ZFHX3: variants seen among roughly 807,000 people sequenced by gnomAD.
ZFHX3 encodes zinc finger homeobox protein 3.
A neutral mutation model predicts 279.1 loss-of-function variants in ZFHX3; 42 were observed. The observed-to-expected ratio is 0.15, with a 90% confidence interval of 0.12 to 0.19. ZFHX3 has a LOEUF of 0.19. Ranked by LOEUF, ZFHX3 falls within the 10% of genes least tolerant of loss-of-function variation. ZFHX3 has a pLI of 1.00. For missense variants in ZFHX3, 4,981 were observed against 4,754.0 expected, an observed-to-expected ratio of 1.05 and a Z score of -1.40; for synonymous variants, 2,293 against 1,957.8, an observed-to-expected ratio of 1.17 and a Z score of -4.52.
At chr16:73,233,531 G>A (rs2012845120) in intron 5 of ZFHX3, among the ~76,000 whole-genome samples, 1 of 152,180 alleles carries the variant, frequency 6.6e-6, no homozygotes, top group Non-Finnish European at 1.5e-5. Context: ...GGAGGTTGAG[G>A]AAATTAAGTT....
rs1231574912 is a variant in ZFHX3 at position 72,805,492 on chromosome 16, A to G, written c.3865-5363T>C. Among the ~76,000 whole-genome samples, 3 of 152,212 alleles carry G rather than the reference A, an allele frequency of 2.0e-5. No individual in the cohort carries two copies. In the East Asian group the frequency reaches 5.8e-4, roughly 29 times the overall value. On this transcript the variant is annotated intron_variant, in intron 7 of 9. Coordinates refer to ENST00000268489, the MANE Select transcript of ZFHX3 (RefSeq NM_006885.4). Reference sequence around the variant, plus strand: ...AATAGAATGAAGAAATTCAGACAAAAAGAGGAGAGACCTCAGGCACAGACC... The same window carrying G: ...AATAGAATGAAGAAATTCAGACAAAGAGAGGAGAGACCTCAGGCACAGACC...
rs575480618 is a variant in ZFHX3, at chr16:72,795,650, G to C, written c.7032C>G (p.Ile2344Met). 1.2e-6 allele frequency: 2 copies of C among 1,613,978 alleles called. No individual in the cohort carries two copies. Among genetic ancestry groups the C allele is most frequent in the East Asian group, 2.2e-5 (1 of 44,860 alleles). The change falls in exon 9 of 10, where the codon ATC becomes ATG. Residue 2344 changes from isoleucine (I) to methionine (M), a missense_variant. Ile to Met is a conservative substitution (Grantham distance 10). Coordinates refer to ENST00000268489, the MANE Select transcript of ZFHX3 (RefSeq NM_006885.4). The part of the protein sequence containing the change: ...SLVFQRIFDL[I>M]KHQKKLCYKD... ...TGTAACACAGCTTCTTCTGGTGCTT[G>C]ATGAGATCAAAGATGCGCTGAAACA...
intron 7 of ZFHX3, chr16:73,127,502 G>A (rs2144814702): frequency 7.7e-7 from 1 of 1,305,478 alleles, no homozygotes; most frequent in South Asian, 1.2e-5. Context: ...CCTGGTGATG[G>A]ATGGGGGAAG....
intron 3 of ZFHX3, among the ~76,000 whole-genome samples, chr16:72,901,822 G>A (rs1005522085): frequency 3.3e-5 from 5 of 152,186 alleles, no homozygotes; most frequent in African/African-American, 4.8e-5. Flanking sequence ...TTCTGCAAAC[G>A]ATGACACTGC....
intron 3 of ZFHX3, chr16:73,401,146 T>C (rs1436878953): frequency 6.6e-6 from 1 of 152,062 alleles, no homozygotes; most frequent in East Asian, 1.9e-4. Context: ...TCGGTGGCCA[T>C]TCTGAGCTGG....
chr16:73,631,699 G>C (rs1232289318), intron 2 of ZFHX3, among the ~76,000 whole-genome samples: 1 of 152,140 alleles, frequency 6.6e-6, no homozygotes, highest in Non-Finnish European at 1.5e-5. Flanking sequence ...GAGGCCAGGA[G>C]TTTGAGACCA....
In ZFHX3 at chr16:73,625,962, A is replaced by T. The variant is rs969433307; in HGVS notation, c.-1547+54218T>A. ...AAGCTCCGCCTCCCGGGTTCATGCC[A>T]TTCTTCTGCCTCAGCCTCCCAAATA... On this transcript the variant is annotated intron_variant, in intron 2 of 17. Coordinates refer to the ZFHX3 transcript ENST00000641206. 2.0e-5 allele frequency among the ~76,000 whole-genome samples: 3 copies of T among 152,214 alleles called. No individual in the cohort carries two copies. In the East Asian group the frequency reaches 5.8e-4, roughly 29 times the overall value.
chr16:73,458,151 TTCTC>T (rs2018406771), intron 2 of ZFHX3, among the ~76,000 whole-genome samples: 1 of 152,144 alleles, frequency 6.6e-6, no homozygotes, highest in Admixed American at 6.5e-5. Context: ...TTCAAACCCC[TTCTC>T]TCTCTTATTA....
chr16:73,211,171 C>T (rs1240564643), intron 5 of ZFHX3, among the ~76,000 whole-genome samples: 1 of 152,136 alleles, frequency 6.6e-6, no homozygotes, highest in Non-Finnish European at 1.5e-5. Flanking sequence ...TTGATGAGGA[C>T]CATATTGCCT....
intron 5 of ZFHX3, among the ~76,000 whole-genome samples, chr16:73,247,649 T>G (rs1355282141): frequency 6.6e-6 from 1 of 151,174 alleles, no homozygotes; most frequent in Non-Finnish European, 1.5e-5. Flanking sequence ...ATACTATGTA[T>G]ATAATGTGTC....
At chr16:72,987,368 G>A (rs556801219) in intron 1 of ZFHX3, among the ~76,000 whole-genome samples, 1 of 152,326 alleles carries the variant, frequency 6.6e-6, no homozygotes, top group South Asian at 2.1e-4. Context: ...GTAAGATGAT[G>A]TGGAGGCTGC....
chr16:73,845,238 T>A (rs1178302979), intron 1 of ZFHX3, among the ~76,000 whole-genome samples: 1 of 152,014 alleles, frequency 6.6e-6, no homozygotes, highest in Non-Finnish European at 1.5e-5. Context: ...TCAGAGGCGA[T>A]TTGAGAGTGT....
At chr16:73,522,407 G>A (rs1451767114) in intron 2 of ZFHX3, among the ~76,000 whole-genome samples, 1 of 152,114 alleles carries the variant, frequency 6.6e-6, no homozygotes, top group African/African-American at 2.4e-5. Flanking sequence ...ACTTGAAATC[G>A]GGTCTGCTAA....
At chr16:73,339,594 C>G (rs2015989276) in intron 3 of ZFHX3, among the ~76,000 whole-genome samples, 1 of 152,190 alleles carries the variant, frequency 6.6e-6, no homozygotes, top group African/African-American at 2.4e-5. Flanking sequence ...CGTTTTGCCA[C>G]CTCACCAATA....
intron 2 of ZFHX3, among the ~76,000 whole-genome samples, chr16:73,521,279 C>T (rs2019604610): frequency 6.6e-6 from 1 of 152,136 alleles, no homozygotes; most frequent in African/African-American, 2.4e-5. Context: ...TGCAGACAAT[C>T]ATATCTACCT....
At chr16:73,284,558 A>T (rs1299968500) in intron 4 of ZFHX3, among the ~76,000 whole-genome samples, 1 of 152,186 alleles carries the variant, frequency 6.6e-6, no homozygotes, top group Admixed American at 6.5e-5. Context: ...TATGTCACCG[A>T]GTATGAAATA....
At chr16:73,773,631 T>C (rs996746269) in intron 1 of ZFHX3, among the ~76,000 whole-genome samples, 2 of 152,212 alleles carry the variant, frequency 1.3e-5, no homozygotes, top group Admixed American at 1.3e-4. Context: ...CGGGAAGGCC[T>C]GTCTCAGGTA....
At chr16:73,364,107 A>G (rs1036623595) in intron 3 of ZFHX3, among the ~76,000 whole-genome samples, 2 of 151,710 alleles carry the variant, frequency 1.3e-5, no homozygotes, top group African/African-American at 4.8e-5. Context: ...CAGGAGGCGG[A>G]GGTTGCAGTG....
chr16:73,494,734 T>A (rs566090409), intron 2 of ZFHX3, among the ~76,000 whole-genome samples: 5 of 152,060 alleles, frequency 3.3e-5, no homozygotes, highest in South Asian at 2.1e-4. Context: ...TAATTTTTTT[T>A]TTTTTTTATT....
Sources: gnomAD v4.1 joint callset for allele counts (sites outside exome capture counted in the v4.1 genomes callset) on GRCh38, gnomAD v4.1.1 for gene constraint, MANE v1.5 for transcripts, NCBI Gene and HGNC (gene_info 2026-07-23, HGNC 2026-07-21) for gene names.